The following ATG3 variants were observed in gnomAD, a reference collection of about 807,000 sequenced individuals.
ATG3 encodes ubiquitin-like-conjugating enzyme ATG3.
ATG3 carries 25 observed loss-of-function variants against 50.7 expected under a neutral mutation model. The ratio of observed to expected loss-of-function variants is 0.49; its 90% CI spans 0.36 to 0.69. ATG3 has a LOEUF of 0.69. Among genes scored for constraint, ATG3 ranks in the 30% least tolerant of loss-of-function variants. ATG3 has a pLI of 0.00. For missense variants in ATG3, 281 were observed against 376.0 expected, an observed-to-expected ratio of 0.75 and a Z score of 2.09; for synonymous variants, 119 against 125.5, an observed-to-expected ratio of 0.95 and a Z score of 0.34.
At chr3:112,536,331 T>A (rs1933047263) in intron 10 of ATG3, 144 bp downstream of exon 10, 1 of 940,244 alleles carries the variant, frequency 1.1e-6, no homozygotes, top group South Asian at 2.0e-5. Context: ...CACAAGAAAA[T>A]TTCTAAGGAG....
chr3:112,557,445 C>T (rs1933718803), intron 2 of ATG3, among the ~76,000 whole-genome samples: 1 of 152,120 alleles, frequency 6.6e-6, no homozygotes, highest in Admixed American at 6.5e-5. Context: ...TGGTGAAACC[C>T]CATCTCTACT....
intron 2 of ATG3, 138 bp from the exon 3 acceptor site, chr3:112,553,467 A>T: frequency 1.6e-6 from 1 of 629,298 alleles, no homozygotes; most frequent in South Asian, 2.2e-5. Context: ...TATAAACAGC[A>T]ACAAAGCTGC....
At chr3:112,553,020 AAAG>A (rs1476663126) in intron 3 of ATG3, among the ~76,000 whole-genome samples, 1 of 152,216 alleles carries the variant, frequency 6.6e-6, no homozygotes, top group African/African-American at 2.4e-5. Flanking sequence ...ACTATAAAGA[AAAG>A]AAGTAATAGT....
chr3:112,559,331 G>A (rs953481470), intron 1 of ATG3, among the ~76,000 whole-genome samples: 2 of 152,048 alleles, frequency 1.3e-5, no homozygotes, highest in African/African-American at 4.8e-5. Context: ...CTACAAAAAT[G>A]AAAACACTCA....
At chr3:112,536,958 A>G (rs1447917057) in intron 9 of ATG3, among the ~76,000 whole-genome samples, 2 of 127,040 alleles carry the variant, frequency 1.6e-5, no homozygotes, top group Non-Finnish European at 3.3e-5. Flanking sequence ...AAAAAAAAAA[A>G]AAAAGAAATT....
In ATG3 at chr3:112,553,164, G is replaced by A. The variant is rs377350500; in HGVS notation, c.164+116C>T. 279 of 822,610 alleles carry A rather than the reference G, an allele frequency of 3.4e-4. 5 individuals carry two copies. In the South Asian group the frequency reaches 4.3e-3, roughly 13 times the overall value. The allele number at this position is 822,610 out of a possible 1,614,324, so 51.0% of individuals were successfully genotyped here. A position where few individuals can be genotyped will look rare whatever the true frequency, so the allele number is the denominator to read the frequency against. ...CATTGTTTAACAGAAGAATCTGCTG[G>A]GGGGAAAGTTAAACTGGTCATTCTA... On this transcript the variant is annotated intron_variant, in intron 3 of 11. Transcript: ENST00000283290.
At chr3:112,559,584 G>A (rs1933783123) in intron 1 of ATG3, among the ~76,000 whole-genome samples, 1 of 152,170 alleles carries the variant, frequency 6.6e-6, no homozygotes, top group Non-Finnish European at 1.5e-5. Context: ...AATGGTAAGA[G>A]AACAAAGACT....
intron 6 of ATG3, among the ~76,000 whole-genome samples, chr3:112,543,696 A>C (rs561511488): frequency 6.6e-6 from 1 of 152,304 alleles, no homozygotes; most frequent in African/African-American, 2.4e-5. Flanking sequence ...TTCTCCACTT[A>C]TATGACATTT....
At chr3:112,549,124 A>G (rs2107382094) in intron 4 of ATG3, among the ~76,000 whole-genome samples, 1 of 152,348 alleles carries the variant, frequency 6.6e-6, no homozygotes, top group South Asian at 2.1e-4. Context: ...GTTATTCACA[A>G]TGGATAAAAC....
intron 7 of ATG3, among the ~76,000 whole-genome samples, chr3:112,540,100 A>G (rs1159671865): frequency 6.6e-6 from 1 of 152,236 alleles, no homozygotes. Context: ...AGTCCCTAGC[A>G]TACAGATGGT....
chr3:112,536,239 C>G, intron 10 of ATG3: 1 of 430,016 alleles, frequency 2.3e-6, no homozygotes, highest in Non-Finnish European at 4.2e-6. Flanking sequence ...CTATAAACAC[C>G]CACAGAGAAC....
At chr3:112,548,488 G>GTCACAT in intron 5 of ATG3, 45 bp downstream of exon 5, 1 of 1,449,640 alleles carries the variant, frequency 6.9e-7, no homozygotes, top group South Asian at 1.2e-5. Context: ...GATTGTGAAA[G>GTCACAT]AGTTTAATTT....
chr3:112,558,893 C>T (rs1438642099), intron 1 of ATG3, among the ~76,000 whole-genome samples: 3 of 152,056 alleles, frequency 2.0e-5, no homozygotes, highest in African/African-American at 7.2e-5. Context: ...CATGTGCCAC[C>T]ATGCCCGGCT....
chr3:112,552,099 A>G (rs1933544440), intron 3 of ATG3, among the ~76,000 whole-genome samples: 1 of 152,188 alleles, frequency 6.6e-6, no homozygotes, highest in Admixed American at 6.5e-5. Flanking sequence ...GAAACTTATT[A>G]ATTATAGAAT....
rs1933442826 is a variant in ATG3, at chr3:112,548,758, G to A, written c.236-118C>T. The A allele has an allele frequency of 3.0e-5, 23 of 772,860 alleles. No homozygotes were observed. In the South Asian group the frequency reaches 3.6e-4, roughly 12 times the overall value. 47.9% of individuals were successfully genotyped at this position (772,860 alleles called of 1,614,324 possible). On this transcript the variant is annotated intron_variant, in intron 4 of 11. Coordinates refer to ENST00000283290, the MANE Select transcript of ATG3 (RefSeq NM_022488.5). ...TGTTTATACCACCAAAGTACTAAGT[G>A]AATATTTCACTTTTAAAGGTGATTA...
intron 6 of ATG3, among the ~76,000 whole-genome samples, chr3:112,543,472 G>C (rs947310039): frequency 3.3e-5 from 5 of 152,010 alleles, no homozygotes; most frequent in African/African-American, 1.2e-4. Flanking sequence ...AACAGATTAA[G>C]CTTCTATTCA....
chr3:112,559,599 T>C (rs1308892424), intron 1 of ATG3, among the ~76,000 whole-genome samples: 1 of 152,230 alleles, frequency 6.6e-6, no homozygotes, highest in East Asian at 1.9e-4. Context: ...AAGACTTCAC[T>C]GAATAATGAC....
chr3:112,561,911 C>T lies in ATG3; in HGVS notation c.-383G>A, dbSNP rs1235485379. 3 of 240,970 alleles carry T rather than the reference C, an allele frequency of 1.2e-5. No homozygotes were observed. The highest frequency in any genetic ancestry group is 6.2e-5 in the Admixed American group (1 of 16,248). 14.9% of individuals were successfully genotyped at this position (240,970 alleles called of 1,614,324 possible). A position where few individuals can be genotyped will look rare whatever the true frequency, so the allele number is the denominator to read the frequency against. On this transcript the variant is annotated 5_prime_UTR_variant, in exon 1 of 12. Coordinates refer to ENST00000283290, the MANE Select transcript of ATG3 (RefSeq NM_022488.5). The stretch of plus-strand genomic sequence containing the variant: ...CTCGCGCCCCTTCCGGCTTCCCTTC[C>T]TTCTCACTCTCTTGCCGTAGCTGCG...
At chr3:112,537,130 G>C (rs1933085284) in intron 9 of ATG3, among the ~76,000 whole-genome samples, 1 of 151,898 alleles carries the variant, frequency 6.6e-6, no homozygotes, top group Non-Finnish European at 1.5e-5. Context: ...TCACAGCCAA[G>C]CTCTGTGACA....
Sources: allele counts gnomAD v4.1 joint callset (sites outside exome capture counted in the v4.1 genomes callset), GRCh38; gene constraint gnomAD v4.1.1; transcripts MANE v1.5; gene names NCBI Gene and HGNC (gene_info 2026-07-23, HGNC 2026-07-21).